The following GRID2 variants were observed in gnomAD, a reference collection of about 807,000 sequenced individuals.
GRID2 encodes the protein glutamate receptor ionotropic, delta-2.
GRID2 carries 33 observed loss-of-function variants against 114.8 expected under a neutral mutation model. That is an observed-to-expected ratio of 0.29 (90% CI 0.22 to 0.38). GRID2 has a LOEUF of 0.38. GRID2 is among the 10% of genes least tolerant of loss of function. The pLI is 1.00. For synonymous variants in GRID2, 505 were observed against 449.9 expected (o/e 1.12, Z -1.55); for missense variants, 1,184 against 1,257.7 (o/e 0.94, Z 0.89).
downstream of GRID2, among the ~76,000 whole-genome samples, chr4:93,777,114 G>A (rs1302616893): frequency 1.3e-5 from 2 of 152,166 alleles, no homozygotes; most frequent in Non-Finnish European, 2.9e-5. Context: ...TGCCCACCAT[G>A]ATGATAGCCT....
chr4:92,622,316 G>C (rs909870518), intron 2 of GRID2, among the ~76,000 whole-genome samples: 1 of 151,622 alleles, frequency 6.6e-6, no homozygotes, highest in Non-Finnish European at 1.5e-5. Flanking sequence ...TCATGGTTAG[G>C]CATTATTTTC....
intron 1 of GRID2, among the ~76,000 whole-genome samples, chr4:92,444,274 G>A (rs758566033): frequency 3.9e-4 from 59 of 152,296 alleles, no homozygotes; most frequent in Middle Eastern, 3.4e-3. Flanking sequence ...ATTTCACCTG[G>A]GTGCAGGCAG....
chr4:92,535,271 T>TAA (rs755094830), intron 1 of GRID2, among the ~76,000 whole-genome samples: 6 of 152,210 alleles, frequency 3.9e-5, no homozygotes, highest in Non-Finnish European at 8.8e-5. Context: ...GCGTAACTTT[T>TAA]AAGTGTTGTT....
intron 15 of GRID2, among the ~76,000 whole-genome samples, chr4:93,769,782 A>T (rs981872175): frequency 6.6e-6 from 1 of 152,162 alleles, no homozygotes; most frequent in Non-Finnish European, 1.5e-5. Context: ...GTTCACAGAG[A>T]TACTTACCAT....
intron 2 of GRID2, among the ~76,000 whole-genome samples, chr4:92,654,824 C>A (rs1202033829): frequency 1.3e-5 from 2 of 151,798 alleles, no homozygotes; most frequent in African/African-American, 4.8e-5. Context: ...GAATAATTTC[C>A]AAGTATTTTC....
chr4:93,681,803 G>T (rs886896613), intron 14 of GRID2, among the ~76,000 whole-genome samples: 2 of 152,124 alleles, frequency 1.3e-5, no homozygotes, highest in Non-Finnish European at 2.9e-5. Flanking sequence ...AGACTTACAT[G>T]TTAGACCTAA....
chr4:93,027,078 T>A (rs1003463915), intron 2 of GRID2, among the ~76,000 whole-genome samples: 96 of 152,052 alleles, frequency 6.3e-4, no homozygotes, highest in Non-Finnish European at 1.0e-3. Flanking sequence ...ATCAACACCA[T>A]TTTTTTGTTT....
At chr4:93,157,808 A>T (rs1737319620) in intron 4 of GRID2, among the ~76,000 whole-genome samples, 1 of 151,710 alleles carries the variant, frequency 6.6e-6, no homozygotes, top group African/African-American at 2.4e-5. Flanking sequence ...TGGCATCATA[A>T]AGGCTGTATG....
chr4:92,626,311 G>A (rs1410521684), intron 2 of GRID2, among the ~76,000 whole-genome samples: 1 of 151,950 alleles, frequency 6.6e-6, no homozygotes, highest in South Asian at 2.1e-4. Context: ...TATTGTTAAT[G>A]TAAAGCTTTT....
At chr4:92,788,043 G>C (rs1188457443) in intron 2 of GRID2, among the ~76,000 whole-genome samples, 1 of 151,748 alleles carries the variant, frequency 6.6e-6, no homozygotes, top group African/African-American at 2.4e-5. Flanking sequence ...ATTCCAAGAG[G>C]GTGATCTAGG....
At chr4:93,278,526 G>T (rs1235881413) in intron 8 of GRID2, among the ~76,000 whole-genome samples, 1 of 151,952 alleles carries the variant, frequency 6.6e-6, no homozygotes, top group Non-Finnish European at 1.5e-5. Flanking sequence ...CACAGGATGA[G>T]AAGCAAGAGT....
At chr4:92,352,596 T>G (rs191184531) in intron 1 of GRID2, among the ~76,000 whole-genome samples, 1 of 152,104 alleles carries the variant, frequency 6.6e-6, no homozygotes, top group African/African-American at 2.4e-5. Flanking sequence ...GTTGTTTCAT[T>G]ATACTAATCC....
intron 2 of GRID2, among the ~76,000 whole-genome samples, chr4:92,954,267 A>G (rs1752232240): frequency 6.6e-6 from 1 of 152,202 alleles, no homozygotes; most frequent in Admixed American, 6.5e-5. Context: ...ACACATATAT[A>G]TACAAACACA....
intron 4 of GRID2, among the ~76,000 whole-genome samples, chr4:93,188,990 T>C (rs1182050070): frequency 6.6e-6 from 1 of 152,144 alleles, no homozygotes; most frequent in African/African-American, 2.4e-5. Context: ...TCTAAAAAGA[T>C]TGAGGCCTTC....
chr4:93,096,346 T>A (rs1731224163), intron 3 of GRID2, among the ~76,000 whole-genome samples: 1 of 152,056 alleles, frequency 6.6e-6, no homozygotes, highest in Non-Finnish European at 1.5e-5. Flanking sequence ...CATTTTGGAC[T>A]TTCTCAAAAT....
At chr4:93,235,053 T>C (rs1746611857) in intron 7 of GRID2, among the ~76,000 whole-genome samples, 1 of 152,146 alleles carries the variant, frequency 6.6e-6, no homozygotes, top group African/African-American at 2.4e-5. Context: ...AATTTTTTTT[T>C]TACTTTTTCC....
rs544858722 is a variant in GRID2 at position 92,786,004 on chromosome 4, A to G, written c.244+195718A>G. On this transcript the variant is annotated intron_variant, in intron 2 of 15. Transcript: ENST00000282020. The stretch of plus-strand genomic sequence containing the variant: ...AACACAATTTCTAAGATCTTTAGCT[A>G]AACAAAGGCACAAGTGTTCATGGAA... 5.3e-5 allele frequency among the ~76,000 whole-genome samples: 8 copies of G among 152,028 alleles called. No individual in the cohort carries two copies. The South Asian group carries it at 1.4e-3, about 28-fold the overall frequency.
At chr4:92,657,051 C>A (rs1292039413) in intron 2 of GRID2, among the ~76,000 whole-genome samples, 1 of 151,454 alleles carries the variant, frequency 6.6e-6, no homozygotes, top group Non-Finnish European at 1.5e-5. Context: ...AGGAAATTAG[C>A]TGCAGTATCT....
intron 8 of GRID2, among the ~76,000 whole-genome samples, chr4:93,331,105 C>T (rs1049627806): frequency 1.3e-5 from 2 of 151,608 alleles, no homozygotes; most frequent in African/African-American, 4.9e-5. Flanking sequence ...ATACAACAGC[C>T]TCAGTGCCTG....
Sources: allele counts gnomAD v4.1 joint callset (sites outside exome capture counted in the v4.1 genomes callset), GRCh38; gene constraint gnomAD v4.1.1; transcripts MANE v1.5; gene names NCBI Gene and HGNC (gene_info 2026-07-23, HGNC 2026-07-21).